The following NIBAN1 variants were observed in gnomAD, a reference collection of about 807,000 sequenced individuals.
NIBAN1 encodes the protein protein Niban 1.
Under a neutral mutation model 75.1 loss-of-function variants are expected in NIBAN1, and 81 were observed. The observed-to-expected ratio is 1.08, with a 90% confidence interval of 0.90 to 1.30. The LOEUF (loss-of-function observed/expected upper bound fraction) is 1.30, where lower values mean the gene tolerates loss of function less well. Ranked by LOEUF, NIBAN1 falls within the 50% of genes most tolerant of loss-of-function variation. The pLI, the probability that NIBAN1 is intolerant of heterozygous loss-of-function variation, is 0.00. For synonymous variants in NIBAN1, 436 were observed against 424.8 expected, an observed-to-expected ratio of 1.03 and a Z score of -0.32; for missense variants, 1,133 against 1,128.1, an observed-to-expected ratio of 1.00 and a Z score of -0.06.
chr1:184,891,268 T>A (rs1000855909), intron 3 of NIBAN1, among the ~76,000 whole-genome samples: 1 of 152,122 alleles, frequency 6.6e-6, no homozygotes, highest in Non-Finnish European at 1.5e-5. Context: ...AGAAAGACGA[T>A]TGGAGGACTC....
chr1:184,837,170 C>A (rs1655164864), intron 5 of NIBAN1, among the ~76,000 whole-genome samples: 2 of 152,196 alleles, frequency 1.3e-5, no homozygotes. Context: ...GGAACAAATT[C>A]CAGGTTCACA....
At chr1:184,927,925 T>C (rs1191059802) in intron 1 of NIBAN1, among the ~76,000 whole-genome samples, 2 of 151,832 alleles carry the variant, frequency 1.3e-5, no homozygotes, top group African/African-American at 4.8e-5. Flanking sequence ...AGTCTCTCTC[T>C]GTGGCCCCCA....
intron 5 of NIBAN1, among the ~76,000 whole-genome samples, chr1:184,840,981 G>A (rs1020923788): frequency 6.9e-6 from 1 of 144,336 alleles, no homozygotes; most frequent in East Asian, 2.0e-4. Context: ...GTGTGTGTAT[G>A]TGTATTATAG....
At chr1:184,870,358 G>C (rs1042886231) in intron 5 of NIBAN1, among the ~76,000 whole-genome samples, 2 of 152,088 alleles carry the variant, frequency 1.3e-5, no homozygotes, top group Non-Finnish European at 1.5e-5. Context: ...TAACACGTAG[G>C]ATATAATTTA....
Position 184,818,692 on chromosome 1 carries a change from C to A in NIBAN1, c.1119G>T (p.Val373=). ...TCTGGAAGTTCTGGCTGACTTCATT[C>A]ACCTCTTTCTCAAAGAGTACACGTA... The part of the protein sequence containing the change: ...SEVRVLFEKE[V]NEVSQNFQTT... Residue 373 remains valine (V), a synonymous_variant, in exon 9 of 14, where the codon GTG becomes GTT. Transcript: ENST00000367511. The A allele has an allele frequency of 6.2e-7, 1 of 1,612,534 alleles. No individual in the cohort carries two copies. Among genetic ancestry groups the A allele is most frequent in the South Asian group, 1.1e-5 (1 of 90,920 alleles).
At chr1:184,895,866 T>C (rs1339328587) in intron 2 of NIBAN1, among the ~76,000 whole-genome samples, 2 of 152,174 alleles carry the variant, frequency 1.3e-5, no homozygotes, top group Non-Finnish European at 2.9e-5. Context: ...TCCAGCTCCA[T>C]CCATGTTGTT....
intron 1 of NIBAN1, among the ~76,000 whole-genome samples, chr1:184,952,599 A>C (rs1658387071): frequency 6.6e-6 from 1 of 152,180 alleles, no homozygotes; most frequent in Non-Finnish European, 1.5e-5. Flanking sequence ...AAAATCTCAT[A>C]ATGTTTTAGG....
At chr1:184,808,010 C>T in intron 10 of NIBAN1, 64 bp downstream of exon 10, 4 of 1,586,868 alleles carry the variant, frequency 2.5e-6, no homozygotes, top group Non-Finnish European at 3.5e-6. Context: ...GTCTCACTGG[C>T]CAGCACCCAT....
chr1:184,805,797 TGCAGCGGACTGACA>T (rs1173452950), intron 11 of NIBAN1, 135 bp downstream of exon 11: 1 of 637,610 alleles, frequency 1.6e-6, no homozygotes, highest in African/African-American at 1.8e-5. Flanking sequence ...CTGGAGAAAC[TGCAGCGGACTGACA>T]GTCACTGGAC....
Position 184,823,170 on chromosome 1 carries a change from T to C in NIBAN1, c.982A>G (p.Lys328Glu), listed in dbSNP as rs749038732. 1 of 1,613,788 alleles carries C rather than the reference T, an allele frequency of 6.2e-7. No homozygotes were observed. Among genetic ancestry groups the C allele is most frequent in the Non-Finnish European group, 8.5e-7 (1 of 1,179,674 alleles). Reference sequence around the variant, plus strand: ...AGCATGGATTATCTCTACTGACCTTTGATCTTTCCAATTAAATAGTTCTTT... The same window carrying C: ...AGCATGGATTATCTCTACTGACCTTCGATCTTTCCAATTAAATAGTTCTTT... Reference protein sequence around the residue: ...NSKNYLIGKIKAMVAQPAEKS... With the variant: ...NSKNYLIGKIEAMVAQPAEKS... The change falls in exon 8 of 14, where the codon AAA becomes GAA. Residue 328 changes from lysine to glutamate, a missense_variant. Lys to Glu is a moderately conservative substitution (Grantham distance 56). Transcript: ENST00000367511.
At chr1:184,906,892 G>T (rs987158030) in intron 1 of NIBAN1, among the ~76,000 whole-genome samples, 6 of 152,110 alleles carry the variant, frequency 3.9e-5, no homozygotes, top group African/African-American at 1.4e-4. Context: ...CCAGTTCCCA[G>T]TCCTGAAGCA....
At chr1:184,856,087 C>T (rs557896989) in intron 5 of NIBAN1, among the ~76,000 whole-genome samples, 2 of 152,172 alleles carry the variant, frequency 1.3e-5, no homozygotes, top group Non-Finnish European at 2.9e-5. Flanking sequence ...TTACTTCTGA[C>T]TTATTCCCAT....
chr1:184,865,532 C>T (rs1388840039), intron 5 of NIBAN1, among the ~76,000 whole-genome samples: 4 of 152,024 alleles, frequency 2.6e-5, no homozygotes, highest in African/African-American at 9.7e-5. Context: ...ACCATTCATA[C>T]CCCAAACCTC....
intron 6 of NIBAN1, among the ~76,000 whole-genome samples, chr1:184,825,692 C>T (rs925320827): frequency 6.6e-6 from 1 of 152,236 alleles, no homozygotes; most frequent in Non-Finnish European, 1.5e-5. Flanking sequence ...ACTGGCCCTT[C>T]CTTCTTTACC....
intron 1 of NIBAN1, among the ~76,000 whole-genome samples, chr1:184,959,767 C>T (rs1658581639): frequency 6.6e-6 from 1 of 152,214 alleles, no homozygotes; most frequent in Non-Finnish European, 1.5e-5. Flanking sequence ...CTGCTCACTA[C>T]TGCTGAAGAC....
intron 5 of NIBAN1, among the ~76,000 whole-genome samples, chr1:184,855,613 T>G (rs1401946758): frequency 1.3e-5 from 2 of 152,208 alleles, no homozygotes; most frequent in Non-Finnish European, 2.9e-5. Context: ...CTGGATCCCC[T>G]TAGTCCACTC....
At chr1:184,972,049 G>A (rs940751016) in intron 1 of NIBAN1, among the ~76,000 whole-genome samples, 9 of 152,328 alleles carry the variant, frequency 5.9e-5, no homozygotes, top group Admixed American at 1.3e-4. Flanking sequence ...CTGATTCAGC[G>A]TCAGTAGCAT....
chr1:184,803,549 G>A (rs1654104097), intron 12 of NIBAN1, 36 bp downstream of exon 12: 1 of 1,527,972 alleles, frequency 6.5e-7, no homozygotes, highest in South Asian at 1.1e-5. Context: ...TCAGAGGTAA[G>A]AAGAGCAAGC....
intron 5 of NIBAN1, among the ~76,000 whole-genome samples, chr1:184,880,037 T>C (rs1405582792): frequency 3.3e-5 from 5 of 152,262 alleles, no homozygotes; most frequent in African/African-American, 1.2e-4. Context: ...TTTGTGTTCA[T>C]GACGATGTGA....
Sources: allele counts gnomAD v4.1 joint callset (sites outside exome capture counted in the v4.1 genomes callset), GRCh38; gene constraint gnomAD v4.1.1; transcripts MANE v1.5; gene names NCBI Gene and HGNC (gene_info 2026-07-23, HGNC 2026-07-21).